Variants in CD300LF observed in about 807,000 individuals in gnomAD.
CD300LF encodes the protein CD300 molecule like family member f.
Under a neutral mutation model 32.2 loss-of-function variants are expected in CD300LF, and 27 were observed. The ratio of observed to expected loss-of-function variants is 0.84; its 90% CI spans 0.62 to 1.15. The LOEUF (loss-of-function observed/expected upper bound fraction) is 1.15. Ranked by LOEUF, CD300LF falls within the 50% of genes most tolerant of loss-of-function variation. The pLI, the probability that CD300LF is intolerant of heterozygous loss-of-function variation, is 0.00. For missense variants in CD300LF, 348 were observed against 356.8 expected (o/e 0.98, Z 0.20); for synonymous variants, 139 against 143.2 (o/e 0.97, Z 0.21).
chr17:74,701,188 T>C (rs934132782), intron 3 of CD300LF, among the ~76,000 whole-genome samples: 2 of 152,270 alleles, frequency 1.3e-5, no homozygotes, highest in Admixed American at 1.3e-4. Context: ...ATCTCCTTCA[T>C]CACTGGATGT....
chr17:74,700,469 G>A (rs772136777), intron 3 of CD300LF, among the ~76,000 whole-genome samples: 4 of 151,998 alleles, frequency 2.6e-5, no homozygotes, highest in African/African-American at 4.8e-5. Flanking sequence ...GACTGAGCGC[G>A]GTGGCTTACA....
intron 4 of CD300LF, 76 bp downstream of exon 4, chr17:74,698,293 G>T: frequency 9.9e-7 from 1 of 1,011,904 alleles, no homozygotes; most frequent in Non-Finnish European, 1.5e-6. Context: ...TAATCCCTTG[G>T]ACCAGATAGC....
intron 1 of CD300LF, among the ~76,000 whole-genome samples, chr17:74,711,376 A>T (rs1469891279): frequency 6.6e-6 from 1 of 152,186 alleles, no homozygotes; most frequent in African/African-American, 2.4e-5. Flanking sequence ...AAAAGCAGCC[A>T]TACCTGTCCT....
intron 2 of CD300LF, among the ~76,000 whole-genome samples, chr17:74,703,491 A>G (rs2033247378): frequency 6.6e-6 from 1 of 152,170 alleles, no homozygotes; most frequent in Non-Finnish European, 1.5e-5. Context: ...TCCAGCAAAA[A>G]CAGGAGCAGA....
intron 3 of CD300LF, among the ~76,000 whole-genome samples, chr17:74,698,891 T>C (rs557452833): frequency 2.0e-5 from 3 of 152,328 alleles, no homozygotes; most frequent in Middle Eastern, 6.8e-3. Context: ...TTAAGAATTT[T>C]AACAAAAGAT....
chr17:74,702,295 C>T (rs1193132859), intron 3 of CD300LF, among the ~76,000 whole-genome samples: 3 of 152,166 alleles, frequency 2.0e-5, no homozygotes, highest in Non-Finnish European at 4.4e-5. Context: ...CACTAAGAGG[C>T]ATGACCTGAG....
intron 4 of CD300LF, 115 bp downstream of exon 4, chr17:74,698,253 TG>T: frequency 1.3e-6 from 1 of 786,284 alleles, no homozygotes; most frequent in Non-Finnish European, 2.1e-6. Context: ...TGAGGGCCTT[TG>T]GGACTGTGCC....
At chr17:74,706,593 G>T (rs184787035) in intron 1 of CD300LF, among the ~76,000 whole-genome samples, 1 of 152,150 alleles carries the variant, frequency 6.6e-6, no homozygotes, top group East Asian at 1.9e-4. Flanking sequence ...GCTTGAACCC[G>T]GGAGGCAGAG....
intron 3 of CD300LF, among the ~76,000 whole-genome samples, chr17:74,700,981 A>G (rs1363830806): frequency 6.6e-6 from 1 of 152,176 alleles, no homozygotes; most frequent in East Asian, 1.9e-4. Flanking sequence ...AGACACACGC[A>G]GAGGGACGAC....
At chr17:74,696,964 G>T (rs921608491) in intron 4 of CD300LF, among the ~76,000 whole-genome samples, 4 of 151,868 alleles carry the variant, frequency 2.6e-5, no homozygotes, top group Non-Finnish European at 5.9e-5. Context: ...GTTTTGAGAT[G>T]GAGTTTCTCT....
chr17:74,700,527 G>T (rs1015473299), intron 3 of CD300LF, among the ~76,000 whole-genome samples: 1 of 152,102 alleles, frequency 6.6e-6, no homozygotes, highest in Non-Finnish European at 1.5e-5. Context: ...GATCACATGA[G>T]GTCGGGAGTT....
intron 1 of CD300LF, among the ~76,000 whole-genome samples, chr17:74,711,633 A>G (rs1046507353): frequency 2.6e-5 from 4 of 152,230 alleles, no homozygotes; most frequent in African/African-American, 9.6e-5. Context: ...GTCCAAGCTC[A>G]TTCCTACACA....
Position 74,695,167 on chromosome 17 carries a change from G to A in CD300LF, c.802C>T (p.His268Tyr). The A allele has an allele frequency of 6.2e-7, 1 of 1,614,128 alleles. No homozygotes were observed. The highest frequency in any genetic ancestry group is 1.1e-5 in the South Asian group (1 of 91,082). The change falls in exon 7 of 7, where the codon CAC (histidine) becomes TAC (tyrosine). Residue 268 changes from histidine (H) to tyrosine (Y), a missense_variant. Coordinates refer to ENST00000326165, the MANE Select transcript of CD300LF (RefSeq NM_139018.5). ...DQEPTYCNMGHLSSHLPGRGP... is the reference protein window; with the variant it reads ...DQEPTYCNMGYLSSHLPGRGP... ...CTGCCGGGGAGGTGGCTACTGAGGT[G>A]GCCCATGTTGCAGTAGGTCGGTTCC...
At chr17:74,712,274 C>T (rs569964115) in intron 1 of CD300LF, among the ~76,000 whole-genome samples, 8 of 152,316 alleles carry the variant, frequency 5.3e-5, no homozygotes, top group African/African-American at 1.9e-4. Flanking sequence ...GCCCACATCT[C>T]AGTCCCTCCT....
chr17:74,703,125 G>A, intron 2 of CD300LF, 27 bp from the exon 3 acceptor site: 1 of 1,613,712 alleles, frequency 6.2e-7, no homozygotes, highest in Non-Finnish European at 8.5e-7. Context: ...GGTAGGCGTG[G>A]TGGGGGCAGG....
At chr17:74,711,047 T>TA (rs1440402642) in intron 1 of CD300LF, among the ~76,000 whole-genome samples, 1 of 151,822 alleles carries the variant, frequency 6.6e-6, no homozygotes, top group Non-Finnish European at 1.5e-5. Flanking sequence ...TCAAAAAAAA[T>TA]AAAAAACCTT....
At chr17:74,705,792 G>A (rs1022191211) in intron 1 of CD300LF, among the ~76,000 whole-genome samples, 1 of 151,996 alleles carries the variant, frequency 6.6e-6, no homozygotes, top group Non-Finnish European at 1.5e-5. Context: ...ACAGGATTTT[G>A]CCATGTTGTC....
chr17:74,704,937 T>C (rs1412468166), intron 1 of CD300LF, 121 bp from the exon 2 acceptor site: 3 of 789,470 alleles, frequency 3.8e-6, no homozygotes, highest in East Asian at 5.3e-5. Context: ...AAGGAAGAAA[T>C]ACACCTTCCG....
intron 1 of CD300LF, chr17:74,705,345 A>T: frequency 1.5e-6 from 1 of 670,564 alleles, no homozygotes; most frequent in Admixed American, 2.0e-5. Context: ...TTTGAAGTTG[A>T]TCAAAACAGC....
Sources: gnomAD v4.1 joint callset for allele counts (sites outside exome capture counted in the v4.1 genomes callset) on GRCh38, gnomAD v4.1.1 for gene constraint, MANE v1.5 for transcripts, NCBI Gene and HGNC (gene_info 2026-07-23, HGNC 2026-07-21) for gene names.